The following TEX11 variants were observed in gnomAD, a reference collection of about 807,000 sequenced individuals.
The protein encoded by TEX11 is testis expressed 11.
In TEX11, 7 loss-of-function variants were observed where a neutral mutation model predicts 84.4. That is an observed-to-expected ratio of 0.08 (90% CI 0.05 to 0.16). The LOEUF is 0.16. TEX11 is among the 10% of genes least tolerant of loss of function. TEX11 has a pLI of 1.00. For synonymous variants in TEX11, 264 were observed against 222.8 expected (o/e 1.18, Z -1.64); for missense variants, 551 against 660.5 (o/e 0.83, Z 1.82).
At chrX:70,789,460 C>T (rs1317515488) in intron 9 of TEX11, among the ~76,000 whole-genome samples, 2 of 111,443 alleles carry the variant, frequency 1.8e-5, no homozygotes, top group African/African-American at 6.5e-5. Context: ...GGCATGGTGG[C>T]AGGCGCCTGT....
At chrX:70,661,904 C>A (rs2089931801) in intron 16 of TEX11, among the ~76,000 whole-genome samples, 1 of 111,393 alleles carries the variant, frequency 9.0e-6, no homozygotes, top group Non-Finnish European at 1.9e-5. Context: ...TAGATAAAAC[C>A]ACAAAGATGG....
At chrX:70,698,270 T>A (rs2147678703) in intron 13 of TEX11, among the ~76,000 whole-genome samples, 1 of 111,468 alleles carries the variant, frequency 9.0e-6, no homozygotes, top group African/African-American at 3.2e-5. Context: ...TGCTAGATTT[T>A]ATTCCATCTA....
intron 13 of TEX11, among the ~76,000 whole-genome samples, chrX:70,720,901 CT>C (rs2090554132): frequency 9.1e-6 from 1 of 109,795 alleles, no homozygotes; most frequent in African/African-American, 3.3e-5. Flanking sequence ...ACTTTGTAAA[CT>C]TTTTCTAGTG....
At position 70,550,827 on chromosome X, in the gene TEX11, T is replaced by C. The variant is rs192425843; in HGVS notation, c.2520+1299A>G. ...GGAAAGTAAATTAGTACAACCACTATGGAGAACAGTTCGGAGGTTCCTCAA... is the reference window on the plus strand; with the variant it reads ...GGAAAGTAAATTAGTACAACCACTACGGAGAACAGTTCGGAGGTTCCTCAA... On this transcript the variant is annotated intron_variant, in intron 28 of 29. Coordinates refer to ENST00000374333, the MANE Select transcript of TEX11 (RefSeq NM_031276.3). Among the ~76,000 whole-genome samples the C allele has an allele frequency of 3.6e-5, 4 of 111,715 alleles. No individual in the cohort carries two copies. In the Admixed American group the frequency reaches 3.8e-4, roughly 11 times the overall value.
At chrX:70,714,679 T>C (rs1202668802) in intron 13 of TEX11, among the ~76,000 whole-genome samples, 1 of 111,702 alleles carries the variant, frequency 9.0e-6, no homozygotes, top group African/African-American at 3.3e-5. Context: ...TTTGAGCCTA[T>C]GTGTGTCTCT....
chrX:70,716,495 G>A (rs2090503699), intron 13 of TEX11, among the ~76,000 whole-genome samples: 1 of 112,156 alleles, frequency 8.9e-6, no homozygotes, highest in Non-Finnish European at 1.9e-5. Context: ...AATGGTGGGC[G>A]CCCCTCCCCC....
At chrX:70,816,981 A>C (rs1179282602) in intron 8 of TEX11, among the ~76,000 whole-genome samples, 1 of 110,493 alleles carries the variant, frequency 9.1e-6, no homozygotes, top group Non-Finnish European at 1.9e-5. Flanking sequence ...ATACATAAAT[A>C]CATTAAGGAT....
chrX:70,761,355 C>A lies in TEX11; in HGVS notation c.693-17136G>T, dbSNP rs187189363. On this transcript the variant is annotated intron_variant, in intron 9 of 29. Coordinates refer to ENST00000374333, the MANE Select transcript of TEX11 (RefSeq NM_031276.3). ...ATTTACAATAGCAAAGACTTGGAAC[C>A]AACCCAAATGTCCATCAATGATAGA... Among the ~76,000 whole-genome samples the A allele has an allele frequency of 8.7e-3, 975 of 111,889 alleles. 13 individuals are homozygous for A. Among genetic ancestry groups the A allele is most frequent in the African/African-American group, 0.03 (920 of 30,794 alleles).
intron 11 of TEX11, among the ~76,000 whole-genome samples, chrX:70,731,358 T>A (rs919337093): frequency 7.2e-5 from 8 of 110,709 alleles, no homozygotes; most frequent in Admixed American, 9.7e-5. Flanking sequence ...ACTCAATGAA[T>A]CCAGGAGCTG....
At chrX:70,566,243 T>C (rs1473170443) in intron 25 of TEX11, among the ~76,000 whole-genome samples, 29 of 99,699 alleles carry the variant, frequency 2.9e-4, no homozygotes, top group African/African-American at 9.3e-4. Flanking sequence ...GTGATTTTTG[T>C]ACATTGATTT....
At chrX:70,902,300 T>C (rs962004172) in intron 2 of TEX11, among the ~76,000 whole-genome samples, 1 of 111,039 alleles carries the variant, frequency 9.0e-6, no homozygotes, top group South Asian at 3.9e-4. Context: ...TACACCTGTA[T>C]AGGGCACTTA....
At chrX:70,852,849 C>G (rs183970201) in intron 7 of TEX11, among the ~76,000 whole-genome samples, 185 bp downstream of exon 7, 129 of 111,683 alleles carry the variant, frequency 1.2e-3, no homozygotes, top group Non-Finnish European at 8.8e-4. Context: ...CCCTTAGCCA[C>G]CCCATAGATT....
At chrX:70,612,255 T>C (rs2147531849) in intron 20 of TEX11, among the ~76,000 whole-genome samples, 1 of 111,517 alleles carries the variant, frequency 9.0e-6, no homozygotes, top group Non-Finnish European at 1.9e-5. Flanking sequence ...CATGCCCAGC[T>C]TTTAAGAAAA....
intron 9 of TEX11, among the ~76,000 whole-genome samples, chrX:70,745,796 T>G (rs1034621597): frequency 7.2e-5 from 8 of 110,659 alleles, no homozygotes; most frequent in Admixed American, 9.6e-5. Flanking sequence ...CCAAACTGAG[T>G]TTTCAGATTG....
chrX:70,668,484 G>A (rs1041205805), intron 16 of TEX11, among the ~76,000 whole-genome samples: 15 of 111,924 alleles, frequency 1.3e-4, no homozygotes, highest in Admixed American at 4.7e-4. Context: ...CTAAATTCAA[G>A]ACAAGGATGA....
chrX:70,754,156 C>T (rs1296963212), intron 9 of TEX11, among the ~76,000 whole-genome samples: 2 of 111,391 alleles, frequency 1.8e-5, no homozygotes, highest in African/African-American at 6.5e-5. Context: ...GTCCCCAATT[C>T]CAGGATTGGC....
intron 13 of TEX11, among the ~76,000 whole-genome samples, chrX:70,683,726 C>T (rs2090165079): frequency 1.8e-5 from 2 of 111,948 alleles, no homozygotes; most frequent in Non-Finnish European, 1.9e-5. Context: ...CCTAAACAAA[C>T]TTGAAAACAA....
At chrX:70,525,524 T>C (rs1458230625), downstream of TEX11, among the ~76,000 whole-genome samples, 1 of 108,712 alleles carries the variant, frequency 9.2e-6, no homozygotes, top group Non-Finnish European at 1.9e-5. Flanking sequence ...GAGGCGGAAG[T>C]TGCAGTGAGC....
At chrX:70,863,016 C>A (rs2091579172) in intron 4 of TEX11, among the ~76,000 whole-genome samples, 1 of 111,002 alleles carries the variant, frequency 9.0e-6, no homozygotes, top group Admixed American at 9.6e-5. Flanking sequence ...TTCCTCCTCA[C>A]TGGGCAGGGC....
Sources: gnomAD v4.1 joint callset for allele counts (sites outside exome capture counted in the v4.1 genomes callset) on GRCh38, gnomAD v4.1.1 for gene constraint, MANE v1.5 for transcripts, NCBI Gene and HGNC (gene_info 2026-07-23, HGNC 2026-07-21) for gene names.